SRGAP3: variants seen among roughly 807,000 people sequenced by gnomAD.
SRGAP3 encodes SLIT-ROBO Rho GTPase-activating protein 3.
Under a neutral mutation model 121.1 loss-of-function variants are expected in SRGAP3, and 39 were observed. That is an observed-to-expected ratio of 0.32 (90% CI 0.25 to 0.42). The LOEUF (loss-of-function observed/expected upper bound fraction) is 0.42, where lower values mean the gene tolerates loss of function less well. Ranked by LOEUF, SRGAP3 falls within the 10% of genes least tolerant of loss-of-function variation. The pLI is 1.00. For synonymous variants in SRGAP3, 601 were observed against 570.0 expected, an observed-to-expected ratio of 1.05 and a Z score of -0.77; for missense variants, 1,213 against 1,470.6, an observed-to-expected ratio of 0.82 and a Z score of 2.86.
intron 1 of SRGAP3, among the ~76,000 whole-genome samples, chr3:9,132,157 G>T (rs1949479222): frequency 6.6e-6 from 1 of 152,052 alleles, no homozygotes; most frequent in South Asian, 2.1e-4. Context: ...AAAGTACAGA[G>T]AGTTCCCATA....
intron 2 of SRGAP3, among the ~76,000 whole-genome samples, chr3:9,327,071 C>A (rs1399330980): frequency 6.6e-6 from 1 of 151,584 alleles, no homozygotes; most frequent in Admixed American, 6.6e-5. Context: ...AAGAGAAAAC[C>A]AAATTTTATG....
intron 1 of SRGAP3, among the ~76,000 whole-genome samples, chr3:9,222,773 A>T (rs1952856806): frequency 6.6e-6 from 1 of 152,222 alleles, no homozygotes; most frequent in Admixed American, 6.5e-5. Context: ...TAGCATGCAT[A>T]TCACTGTGAT....
At chr3:9,051,849 A>T (rs1945594434) in intron 9 of SRGAP3, among the ~76,000 whole-genome samples, 1 of 151,358 alleles carries the variant, frequency 6.6e-6, no homozygotes, top group Non-Finnish European at 1.5e-5. Context: ...AGTAGCTGGG[A>T]CTACAGGTGC....
chr3:9,070,346 CCAGCATT>C (rs538189114), intron 4 of SRGAP3, among the ~76,000 whole-genome samples: 38,494 of 152,032 alleles, frequency 0.25, 5,678 homozygotes, highest in Middle Eastern at 0.37. Context: ...CTCACTGCTT[CCAGCATT>C]TGTGTATGGG....
chr3:9,336,995 G>A (rs761198477), intron 1 of SRGAP3, among the ~76,000 whole-genome samples: 1 of 151,958 alleles, frequency 6.6e-6, no homozygotes, highest in Non-Finnish European at 1.5e-5. Context: ...CACTCCCAAG[G>A]TGCTAGGATT....
At chr3:9,051,050 A>G (rs2125155295) in intron 9 of SRGAP3, among the ~76,000 whole-genome samples, 1 of 108,994 alleles carries the variant, frequency 9.2e-6, no homozygotes, top group South Asian at 3.4e-4. Context: ...TTTTTTTGAG[A>G]CAGTCTCACT....
chr3:9,215,258 C>T (rs1347943193), intron 1 of SRGAP3, among the ~76,000 whole-genome samples: 1 of 152,220 alleles, frequency 6.6e-6, no homozygotes, highest in South Asian at 2.1e-4. Flanking sequence ...GCAGCCCTTA[C>T]TTTCGGCTCA....
chr3:9,151,929 G>A (rs1950225224), intron 1 of SRGAP3, among the ~76,000 whole-genome samples: 1 of 152,230 alleles, frequency 6.6e-6, no homozygotes, highest in South Asian at 2.1e-4. Flanking sequence ...GAGAAGACAA[G>A]GATAGAACCG....
Position 9,168,538 on chromosome 3 carries a change from C to T in SRGAP3, c.68-43621G>A, listed in dbSNP as rs116721676. ...TGAATCCTTTGTTTCCATTCACCTG[C>T]GCTTTTTAACATCCGCTTAACAACT... On this transcript the variant is annotated intron_variant, in intron 1 of 21. Transcript: ENST00000383836. Among the ~76,000 whole-genome samples, 736 of 152,288 alleles carry T rather than the reference C, an allele frequency of 4.8e-3. 5 individuals are homozygous for T. The highest frequency in any genetic ancestry group is 0.01 in the Middle Eastern group (3 of 294).
intron 3 of SRGAP3, among the ~76,000 whole-genome samples, chr3:9,307,488 G>C (rs958395125): frequency 1.3e-5 from 2 of 152,158 alleles, no homozygotes; most frequent in Admixed American, 6.5e-5. Context: ...ATGAACCTAC[G>C]ACCCAGCTAT....
chr3:9,202,536 A>T (rs552157033), intron 1 of SRGAP3, among the ~76,000 whole-genome samples: 25 of 152,338 alleles, frequency 1.6e-4, no homozygotes, highest in Admixed American at 1.4e-3. Flanking sequence ...CCTGCACTCT[A>T]AAGTGAACTC....
At chr3:9,244,636 G>C (rs147591154) in intron 1 of SRGAP3, among the ~76,000 whole-genome samples, 1 of 152,312 alleles carries the variant, frequency 6.6e-6, no homozygotes, top group East Asian at 1.9e-4. Flanking sequence ...GGGAATTGTA[G>C]AGAATAGGAT....
chr3:9,044,894 T>C (rs1945183785), intron 10 of SRGAP3, among the ~76,000 whole-genome samples: 1 of 152,174 alleles, frequency 6.6e-6, no homozygotes, highest in Admixed American at 6.5e-5. Context: ...CAGTGGAAAT[T>C]CTCCCTTTTC....
intron 3 of SRGAP3, among the ~76,000 whole-genome samples, chr3:9,276,969 C>T (rs370258210): frequency 1.7e-4 from 26 of 152,350 alleles, no homozygotes; most frequent in African/African-American, 5.5e-4. Context: ...TTAACCAGCA[C>T]GTTTGGGTTG....
intron 3 of SRGAP3, among the ~76,000 whole-genome samples, chr3:9,301,214 G>A (rs924521961): frequency 6.6e-6 from 1 of 152,160 alleles, no homozygotes; most frequent in Non-Finnish European, 1.5e-5. Flanking sequence ...GCCAAAAGAT[G>A]TCAATGCTGC....
At chr3:8,990,884 C>T (rs1236962130) in intron 20 of SRGAP3, 45 bp from the exon 21 acceptor site, 1 of 1,451,926 alleles carries the variant, frequency 6.9e-7, no homozygotes, top group South Asian at 1.4e-5. Flanking sequence ...AGAGGTCAAG[C>T]CTGGCAAGTC....
At chr3:9,125,081 T>C (rs1034034311) in intron 1 of SRGAP3, 164 bp from the exon 2 acceptor site, 11 of 769,554 alleles carry the variant, frequency 1.4e-5, no homozygotes, top group African/African-American at 5.2e-5. Context: ...TGGCAGAGCA[T>C]TGGCACAAAG....
At chr3:9,340,906 T>C (rs1955776421) in intron 1 of SRGAP3, among the ~76,000 whole-genome samples, 1 of 152,172 alleles carries the variant, frequency 6.6e-6, no homozygotes, top group Non-Finnish European at 1.5e-5. Flanking sequence ...TATAACGAAA[T>C]GCCATAGACT....
intron 3 of SRGAP3, among the ~76,000 whole-genome samples, chr3:9,310,796 A>G (rs1426968502): frequency 1.3e-5 from 2 of 152,208 alleles, no homozygotes; most frequent in African/African-American, 4.8e-5. Flanking sequence ...CTTTTCAATT[A>G]TAGAAGGTGA....
Sources: allele counts gnomAD v4.1 joint callset (sites outside exome capture counted in the v4.1 genomes callset), GRCh38; gene constraint gnomAD v4.1.1; transcripts MANE v1.5; gene names NCBI Gene and HGNC (gene_info 2026-07-23, HGNC 2026-07-21).